DSCAML1: variants seen among roughly 807,000 people sequenced by gnomAD.
DSCAML1 encodes the protein cell adhesion molecule DSCAML1.
A neutral mutation model predicts 200.5 loss-of-function variants in DSCAML1; 38 were observed. The ratio of observed to expected loss-of-function variants is 0.19; its 90% CI spans 0.15 to 0.25. The LOEUF (loss-of-function observed/expected upper bound fraction) is 0.25, where lower values mean the gene tolerates loss of function less well. DSCAML1 is among the 10% of genes least tolerant of loss of function. The probability of loss-of-function intolerance (pLI) is 1.00; values close to 1 mark genes in which losing one functional copy is unlikely to be tolerated. For missense variants in DSCAML1, 2,223 were observed against 2,858.8 expected (o/e 0.78, Z 5.07); for synonymous variants, 1,215 against 1,165.0 (o/e 1.04, Z -0.87).
chr11:117,713,282 ATTTTTGTAT>A (rs1399492632), intron 3 of DSCAML1, among the ~76,000 whole-genome samples: 5 of 152,110 alleles, frequency 3.3e-5, no homozygotes, highest in Non-Finnish European at 1.5e-5. Context: ...CACCCAGCTA[ATTTTTGTAT>A]TTTCAGTAGA....
intron 32 of DSCAML1, among the ~76,000 whole-genome samples, chr11:117,429,618 C>A (rs183089446): frequency 6.6e-6 from 1 of 152,306 alleles, no homozygotes; most frequent in Non-Finnish European, 1.5e-5. Context: ...AGGTGATCCG[C>A]CTGCCTTGGC....
intron 3 of DSCAML1, among the ~76,000 whole-genome samples, chr11:117,552,184 C>T (rs2050479842): frequency 6.6e-6 from 1 of 152,110 alleles, no homozygotes; most frequent in South Asian, 2.1e-4. Flanking sequence ...AGCTACGTCC[C>T]TACTGGGCTG....
At chr11:117,548,967 C>T (rs1219234844) in intron 3 of DSCAML1, among the ~76,000 whole-genome samples, 4 of 152,066 alleles carry the variant, frequency 2.6e-5, no homozygotes, top group South Asian at 2.1e-4. Flanking sequence ...AAGGAGAAAA[C>T]GGGTCTTACT....
chr11:117,794,381 A>G (rs902530527), intron 1 of DSCAML1, among the ~76,000 whole-genome samples: 3 of 152,144 alleles, frequency 2.0e-5, no homozygotes, highest in Non-Finnish European at 4.4e-5. Context: ...TGGAGACTCG[A>G]TAACCGATGA....
chr11:117,668,735 C>G (rs952129567), intron 3 of DSCAML1: 3 of 152,264 alleles, frequency 2.0e-5, no homozygotes, highest in Non-Finnish European at 2.9e-5. Context: ...AATGCCATCT[C>G]CTTCCGGCTG....
At chr11:117,579,489 A>G (rs892567439) in intron 3 of DSCAML1, among the ~76,000 whole-genome samples, 1 of 152,186 alleles carries the variant, frequency 6.6e-6, no homozygotes, top group Non-Finnish European at 1.5e-5. Flanking sequence ...ATCTCCACAC[A>G]GTTGGCTCCT....
rs139739787 is a variant in DSCAML1, at chr11:117,696,205, C to T, written c.511+80586G>A. Among the ~76,000 whole-genome samples, 317 of 152,288 alleles carry T rather than the reference C, an allele frequency of 2.1e-3. 1 individual carries two copies. Among genetic ancestry groups the T allele is most frequent in the African/African-American group, 7.3e-3 (304 of 41,560 alleles). The stretch of plus-strand genomic sequence containing the variant: ...GAAGCTTCGCACGGGGTACAGCTGC[C>T]TCGAGTTTTCAAACAGGAGGCTACT... On this transcript the variant is annotated intron_variant, in intron 3 of 32. Transcript: ENST00000651296.
intron 3 of DSCAML1, among the ~76,000 whole-genome samples, chr11:117,645,598 T>C (rs997810637): frequency 6.6e-6 from 1 of 151,954 alleles, no homozygotes; most frequent in East Asian, 1.9e-4. Flanking sequence ...ATGTCTTTTG[T>C]AGGGACATGG....
chr11:117,704,993 G>A (rs146531075), intron 3 of DSCAML1, among the ~76,000 whole-genome samples: 10 of 152,278 alleles, frequency 6.6e-5, no homozygotes, highest in Admixed American at 1.3e-4. Flanking sequence ...ACGAGTGTGC[G>A]CCCCGGATGT....
chr11:117,552,239 G>T (rs2050481262), intron 3 of DSCAML1, among the ~76,000 whole-genome samples: 2 of 152,052 alleles, frequency 1.3e-5, no homozygotes, highest in South Asian at 4.2e-4. Flanking sequence ...CTTGACAATT[G>T]TCTCAACAGG....
chr11:117,528,941 C>G (rs929611981), intron 4 of DSCAML1, among the ~76,000 whole-genome samples: 1 of 148,938 alleles, frequency 6.7e-6, no homozygotes, highest in Non-Finnish European at 1.5e-5. Flanking sequence ...CGCCCCCCCC[C>G]TTGGGAATGT....
intron 11 of DSCAML1, among the ~76,000 whole-genome samples, chr11:117,491,776 TAAAAACA>T (rs1273589260): frequency 2.0e-5 from 3 of 151,760 alleles, no homozygotes; most frequent in Non-Finnish European, 2.9e-5. Context: ...TCTGTGTCAA[TAAAAACA>T]AAAAACAAAA....
At chr11:117,441,166 C>T (rs544581538) in intron 21 of DSCAML1, among the ~76,000 whole-genome samples, 2 of 152,224 alleles carry the variant, frequency 1.3e-5, no homozygotes, top group Admixed American at 6.5e-5. Flanking sequence ...GGAAGGATGG[C>T]TCCCAGGATT....
intron 3 of DSCAML1, among the ~76,000 whole-genome samples, chr11:117,566,563 TG>T (rs2050761228): frequency 2.0e-5 from 3 of 151,534 alleles, no homozygotes; most frequent in Non-Finnish European, 2.9e-5. Context: ...GTTTTTTTTT[TG>T]TTTGTTTTAT....
intron 19 of DSCAML1, among the ~76,000 whole-genome samples, chr11:117,454,775 T>A (rs147852556): frequency 1.1e-3 from 161 of 152,356 alleles, no homozygotes; most frequent in African/African-American, 2.3e-3. Flanking sequence ...GCACCTGCAA[T>A]CTGGGCATGA....
intron 3 of DSCAML1, among the ~76,000 whole-genome samples, chr11:117,595,403 T>C (rs1303568020): frequency 6.6e-6 from 1 of 152,234 alleles, no homozygotes. Flanking sequence ...TTCCTTTTAG[T>C]CTTTTTTTGG....
chr11:117,729,349 C>T (rs902115928), intron 3 of DSCAML1, among the ~76,000 whole-genome samples: 2 of 152,058 alleles, frequency 1.3e-5, no homozygotes, highest in South Asian at 4.1e-4. Flanking sequence ...AATCTTCATG[C>T]CCTCAGATTA....
intron 1 of DSCAML1, among the ~76,000 whole-genome samples, chr11:117,807,401 G>C (rs1241312886): frequency 6.6e-6 from 1 of 152,080 alleles, no homozygotes. Context: ...TTGGGGGGTG[G>C]GAGATCTCCT....
At position 117,780,207 on chromosome 11, in the gene DSCAML1, AAG is replaced by A. The variant is rs369747722; in HGVS notation, c.364+284_364+285del. The stretch of plus-strand genomic sequence containing the variant: ...AAAAAGAAAGAAAGAAAGAGAAAGA[AAG>A]AGAGAGAGAGAAAGAAAGAAAGGAA... On this transcript the variant is annotated intron_variant, in intron 2 of 32. Coordinates refer to ENST00000651296, the MANE Select transcript of DSCAML1 (RefSeq NM_020693.4). This position sits in a 1 kb window ranked among gnomAD's most constrained non-coding sequence, Gnocchi z 4.8. 1.5e-4 allele frequency among the ~76,000 whole-genome samples: 9 copies of A among 60,742 alleles called. No homozygotes were observed. The highest frequency in any genetic ancestry group is 3.2e-4 in the Admixed American group (2 of 6,268). 39.8% of individuals were successfully genotyped at this position (60,742 alleles called of 152,430 possible).
Sources: allele counts gnomAD v4.1 joint callset (sites outside exome capture counted in the v4.1 genomes callset), GRCh38; gene constraint gnomAD v4.1.1; non-coding constraint Gnocchi (gnomAD v3.1); transcripts MANE v1.5; gene names NCBI Gene and HGNC (gene_info 2026-07-23, HGNC 2026-07-21).